The following NXPE2 variants were observed in gnomAD, a reference collection of about 807,000 sequenced individuals.
The protein encoded by NXPE2 is NXPE family member 2.
Under a neutral mutation model 34.4 loss-of-function variants are expected in NXPE2, and 34 were observed. That is an observed-to-expected ratio of 0.99 (90% confidence interval 0.75 to 1.31). The LOEUF is 1.31. Ranked by LOEUF, NXPE2 falls within the 40% of genes most tolerant of loss-of-function variation. The pLI is 0.00. For missense variants in NXPE2, 649 were observed against 672.5 expected (o/e 0.97, Z 0.39); for synonymous variants, 235 against 231.3 (o/e 1.02, Z -0.15).
chr11:114,497,066 T>C, the NXPE2 span, among the ~76,000 whole-genome samples: 1 of 152,270 alleles, frequency 6.6e-6, no homozygotes, highest in East Asian at 1.9e-4. Flanking sequence ...AGGCAGGTCC[T>C]GCAGGAGGTA....
the NXPE2 span, among the ~76,000 whole-genome samples, chr11:114,742,764 A>G: frequency 2.8e-4 from 43 of 152,136 alleles, no homozygotes; most frequent in African/African-American, 1.0e-3. Context: ...TTATTCTGCC[A>G]TCTTGCTAAT....
At chr11:114,799,472 G>A in the NXPE2 span, among the ~76,000 whole-genome samples, 1 of 152,266 alleles carries the variant, frequency 6.6e-6, no homozygotes, top group African/African-American at 2.4e-5. Context: ...TAAATGAGAT[G>A]GTGATGAAGT....
the NXPE2 span, chr11:114,571,624 A>G: frequency 1.3e-6 from 1 of 764,730 alleles, no homozygotes; most frequent in Non-Finnish European, 2.0e-6. Context: ...GTTTTTGAAA[A>G]TTATTTGAAC....
the NXPE2 span, among the ~76,000 whole-genome samples, chr11:114,777,241 G>A: frequency 6.6e-6 from 1 of 152,210 alleles, no homozygotes; most frequent in Admixed American, 6.5e-5. Flanking sequence ...ATGTTTAGTG[G>A]AAGTTGAGTA....
the NXPE2 span, among the ~76,000 whole-genome samples, chr11:114,547,701 C>T: frequency 2.0e-5 from 3 of 152,176 alleles, no homozygotes; most frequent in African/African-American, 7.2e-5. Flanking sequence ...CACTACTGCA[C>T]TCCAGCCTGG....
chr11:114,635,214 A>C, the NXPE2 span, among the ~76,000 whole-genome samples: 15 of 149,418 alleles, frequency 1.0e-4, no homozygotes, highest in South Asian at 2.2e-4. Flanking sequence ...GTATTTTATT[A>C]TCTTTGAAGC....
chr11:114,665,110 A>G, the NXPE2 span, among the ~76,000 whole-genome samples: 1 of 152,188 alleles, frequency 6.6e-6, no homozygotes, highest in Non-Finnish European at 1.5e-5. Flanking sequence ...AATGTGTATT[A>G]GGGTTTCATT....
chr11:114,481,804 T>C, the NXPE2 span, among the ~76,000 whole-genome samples: 3 of 152,078 alleles, frequency 2.0e-5, no homozygotes, highest in African/African-American at 7.2e-5. Flanking sequence ...GAGGACTTCA[T>C]CTCAGTTGTG....
the NXPE2 span, among the ~76,000 whole-genome samples, chr11:114,591,697 A>G: frequency 6.6e-6 from 1 of 152,242 alleles, no homozygotes; most frequent in Admixed American, 6.5e-5. Flanking sequence ...AAAGTCCTTA[A>G]AATCCTTCAC....
chr11:114,785,595 T>C, the NXPE2 span, among the ~76,000 whole-genome samples: 2 of 152,160 alleles, frequency 1.3e-5, no homozygotes, highest in African/African-American at 4.8e-5. Flanking sequence ...GCTCTGTCTC[T>C]ATGAAGGCCA....
chr11:114,770,280 T>A, the NXPE2 span, among the ~76,000 whole-genome samples: 1 of 152,358 alleles, frequency 6.6e-6, no homozygotes. Context: ...AGGGGTTAGT[T>A]GCCATTTATC....
chr11:114,630,232 AG>A, the NXPE2 span, among the ~76,000 whole-genome samples: 1 of 151,866 alleles, frequency 6.6e-6, no homozygotes, highest in East Asian at 1.9e-4. Flanking sequence ...CTGAGTCAAA[AG>A]AACAAAGCTG....
chr11:114,551,159 T>A, the NXPE2 span: 5 of 1,535,210 alleles, frequency 3.3e-6, no homozygotes, highest in East Asian at 7.3e-5. Context: ...GAAAAAGAGA[T>A]CAAGATCAGC....
chr11:114,666,419 T>C, the NXPE2 span, among the ~76,000 whole-genome samples: 1 of 152,232 alleles, frequency 6.6e-6, no homozygotes, highest in South Asian at 2.1e-4. Context: ...GATTAAAAAA[T>C]CAATTCAATT....
chr11:114,482,452 T>C, the NXPE2 span, among the ~76,000 whole-genome samples: 1 of 152,220 alleles, frequency 6.6e-6, no homozygotes, highest in African/African-American at 2.4e-5. Flanking sequence ...GGCAATTTCC[T>C]CTTTACAGAC....
At chr11:114,607,160 C>T in the NXPE2 span, among the ~76,000 whole-genome samples, 2 of 150,008 alleles carry the variant, frequency 1.3e-5, no homozygotes, top group Admixed American at 6.7e-5. Flanking sequence ...GTATTACCCA[C>T]TGGATAATCA....
chr11:114,788,657 C>G, the NXPE2 span, among the ~76,000 whole-genome samples: 2 of 152,224 alleles, frequency 1.3e-5, no homozygotes, highest in Non-Finnish European at 2.9e-5. Context: ...TGACTTTGTT[C>G]TTCCCTTTGC....
chr11:114,605,096 G>A, the NXPE2 span, among the ~76,000 whole-genome samples: 3 of 151,202 alleles, frequency 2.0e-5, no homozygotes, highest in Non-Finnish European at 2.9e-5. Context: ...TGCCTCGTGG[G>A]TAACAGCTGT....
chr11:114,768,895 A>G, the NXPE2 span, among the ~76,000 whole-genome samples: 2 of 152,224 alleles, frequency 1.3e-5, no homozygotes, highest in Non-Finnish European at 2.9e-5. Context: ...GGACATAGGC[A>G]TGGGCAAAGA....
Sources: gnomAD v4.1 joint callset for allele counts (sites outside exome capture counted in the v4.1 genomes callset) on GRCh38, gnomAD v4.1.1 for gene constraint, MANE v1.5 for transcripts, NCBI Gene and HGNC (gene_info 2026-07-23, HGNC 2026-07-21) for gene names.